Variants in AGTPBP1 observed in about 807,000 individuals in gnomAD.
The protein encoded by AGTPBP1 is ATP/GTP binding carboxypeptidase 1, also known as cytosolic carboxypeptidase 1.
A neutral mutation model predicts 143.9 loss-of-function variants in AGTPBP1; 70 were observed. The observed-to-expected ratio is 0.49, with a 90% confidence interval of 0.40 to 0.59. The LOEUF is 0.59. Among genes scored for constraint, AGTPBP1 ranks in the 20% least tolerant of loss-of-function variants. The pLI is 0.00. For synonymous variants in AGTPBP1, 463 were observed against 500.2 expected, an observed-to-expected ratio of 0.93 and a Z score of 0.99; for missense variants, 1,229 against 1,464.5, an observed-to-expected ratio of 0.84 and a Z score of 2.62.
At chr9:85,600,943 G>A (rs1338362743) in intron 17 of AGTPBP1, among the ~76,000 whole-genome samples, 2 of 152,144 alleles carry the variant, frequency 1.3e-5, no homozygotes, top group Admixed American at 6.6e-5. Flanking sequence ...GCATTTGCAC[G>A]TGCCCAGAGG....
chr9:85,723,483 C>A (rs1230312805), intron 1 of AGTPBP1, among the ~76,000 whole-genome samples: 1 of 152,180 alleles, frequency 6.6e-6, no homozygotes, highest in Non-Finnish European at 1.5e-5. Flanking sequence ...CCTCCATGGG[C>A]GTGAGACCTG....
Position 85,672,615 on chromosome 9 carries a change from T to C in AGTPBP1, c.503A>G (p.Gln168Arg), listed in dbSNP as rs1284480963. The change falls in exon 7 of 26, where the codon CAG becomes CGG. Residue 168 changes from glutamine to arginine, a missense_variant. Physicochemically the swap from Gln to Arg is conservative, Grantham distance 43. Coordinates refer to ENST00000357081, the MANE Select transcript of AGTPBP1 (RefSeq NM_001330701.2). ...AACCAAGCGATGATTCTGCAAATTC[T>C]GCTTGACCAAATTCAGGGTTATATT... ...ALNITLNLVK[Q>R]NLQNHRLVLP... The C allele has an allele frequency of 6.2e-7, 1 of 1,613,860 alleles. No homozygotes were observed. Among genetic ancestry groups the C allele is most frequent in the South Asian group, 1.1e-5 (1 of 91,074 alleles).
At chr9:85,736,263 T>G (rs1292506214) in intron 1 of AGTPBP1, among the ~76,000 whole-genome samples, 5 of 152,202 alleles carry the variant, frequency 3.3e-5, no homozygotes, top group African/African-American at 1.2e-4. Flanking sequence ...ATAACCTTTA[T>G]TGTACTTAAT....
At chr9:85,775,524 G>T in the AGTPBP1 span, among the ~76,000 whole-genome samples, 4 of 145,146 alleles carry the variant, frequency 2.8e-5, 1 homozygote, top group East Asian at 5.9e-4. Flanking sequence ...TCATATATAT[G>T]ATATATATAT....
chr9:85,757,375 TA>T, the AGTPBP1 span, among the ~76,000 whole-genome samples: 1 of 152,122 alleles, frequency 6.6e-6, no homozygotes, highest in Non-Finnish European at 1.5e-5. Flanking sequence ...TTGAGTTATA[TA>T]CTTTAAATTG....
chr9:85,770,091 A>G, the AGTPBP1 span, among the ~76,000 whole-genome samples: 83 of 121,034 alleles, frequency 6.9e-4, 2 homozygotes, highest in South Asian at 2.1e-3. Flanking sequence ...GTGTGTGTGT[A>G]TGTGTATGTA....
chr9:85,690,293 A>G (rs62569237), intron 3 of AGTPBP1, among the ~76,000 whole-genome samples: 2,552 of 152,302 alleles, frequency 0.017, 27 homozygotes, highest in Middle Eastern at 0.054. Context: ...ATTATCCTAT[A>G]AAGGATGGAA....
chr9:85,691,536 G>GGGGTGTGTGTGTGT (rs147512485), intron 3 of AGTPBP1, among the ~76,000 whole-genome samples: 1 of 144,480 alleles, frequency 6.9e-6, no homozygotes, highest in African/African-American at 2.5e-5. Context: ...AAAAAAAGAG[G>GGGGTGTGTGTGTGT]GTGTGTGTGT....
chr9:85,644,454 A>T (rs2133839376), intron 12 of AGTPBP1, among the ~76,000 whole-genome samples: 1 of 150,682 alleles, frequency 6.6e-6, no homozygotes, highest in East Asian at 1.9e-4. Flanking sequence ...AAAAGGCTTT[A>T]CCTGTAAAAC....
chr9:85,798,647 A>G, the AGTPBP1 span, among the ~76,000 whole-genome samples: 8 of 152,046 alleles, frequency 5.3e-5, no homozygotes, highest in African/African-American at 1.9e-4. Context: ...GGATTACACC[A>G]CACCTGGCCT....
chr9:85,582,564 C>T (rs1425443815), intron 23 of AGTPBP1, among the ~76,000 whole-genome samples: 2 of 151,908 alleles, frequency 1.3e-5, no homozygotes, highest in Non-Finnish European at 2.9e-5. Flanking sequence ...CCTGTAATCC[C>T]AGCTACTTGG....
chr9:85,695,196 A>G (rs192014636), intron 2 of AGTPBP1, among the ~76,000 whole-genome samples: 29 of 152,290 alleles, frequency 1.9e-4, no homozygotes, highest in African/African-American at 6.5e-4. Context: ...CAGTTTCCCC[A>G]ATGGTTACAT....
the AGTPBP1 span, among the ~76,000 whole-genome samples, chr9:85,793,986 T>C: frequency 6.6e-6 from 1 of 152,176 alleles, no homozygotes; most frequent in Non-Finnish European, 1.5e-5. Flanking sequence ...AACCTTTATA[T>C]TTTTGCTGAT....
At chr9:85,704,329 A>G (rs1292279251) in intron 2 of AGTPBP1, among the ~76,000 whole-genome samples, 1 of 152,174 alleles carries the variant, frequency 6.6e-6, no homozygotes, top group East Asian at 1.9e-4. Flanking sequence ...CCTCAAATAC[A>G]CAGCTGAATA....
intron 23 of AGTPBP1, among the ~76,000 whole-genome samples, chr9:85,580,396 GT>G (rs986872508): frequency 5.4e-5 from 8 of 147,836 alleles, no homozygotes; most frequent in Non-Finnish European, 1.2e-4. Context: ...TCATTCTAAA[GT>G]TTTTTTTTTG....
At chr9:85,667,496 T>C (rs1834197512) in intron 8 of AGTPBP1, among the ~76,000 whole-genome samples, 1 of 152,132 alleles carries the variant, frequency 6.6e-6, no homozygotes. Flanking sequence ...ACAGGCAGTG[T>C]CATGAATGAC....
At chr9:85,595,576 G>A (rs1829244901) in intron 18 of AGTPBP1, among the ~76,000 whole-genome samples, 1 of 152,140 alleles carries the variant, frequency 6.6e-6, no homozygotes, top group Admixed American at 6.6e-5. Context: ...ACCGAGGCTG[G>A]AGTGCAGTGG....
intron 8 of AGTPBP1, 72 bp from the exon 9 acceptor site, chr9:85,661,045 A>C: frequency 1.6e-6 from 2 of 1,241,836 alleles, no homozygotes; most frequent in Non-Finnish European, 2.2e-6. Context: ...AAATTCATAC[A>C]ATCTTTTTCA....
chr9:85,650,128 C>T (rs565657644), intron 11 of AGTPBP1, among the ~76,000 whole-genome samples: 1 of 146,418 alleles, frequency 6.8e-6, no homozygotes, highest in East Asian at 2.1e-4. Flanking sequence ...TCTATGAAGT[C>T]ATCACCATTT....
Sources: gnomAD v4.1 joint callset for allele counts (sites outside exome capture counted in the v4.1 genomes callset) on GRCh38, gnomAD v4.1.1 for gene constraint, MANE v1.5 for transcripts, NCBI Gene and HGNC (gene_info 2026-07-23, HGNC 2026-07-21) for gene names.